DCLK1: variants seen among roughly 807,000 people sequenced by gnomAD.
DCLK1 encodes the protein doublecortin like kinase 1.
DCLK1 carries 16 observed loss-of-function variants against 86.2 expected under a neutral mutation model. The ratio of observed to expected loss-of-function variants is 0.19; its 90% CI spans 0.13 to 0.28. The LOEUF is 0.28. Ranked by LOEUF, DCLK1 falls within the 10% of genes least tolerant of loss-of-function variation. DCLK1 has a pLI of 1.00. For synonymous variants in DCLK1, 369 were observed against 370.5 expected (o/e 1.00, Z 0.05); for missense variants, 590 against 940.2 (o/e 0.63, Z 4.87).
At chr13:35,871,406 C>A in intron 4 of DCLK1, 66 bp from the exon 5 acceptor site, 1 of 1,259,774 alleles carries the variant, frequency 7.9e-7, no homozygotes, top group South Asian at 1.2e-5. Context: ...ACTCAAAATG[C>A]ACAATAAACC....
In DCLK1 at chr13:36,066,475, T is replaced by C. The variant is rs190588977; in HGVS notation, c.723+45394A>G. On this transcript the variant is annotated intron_variant, in intron 3 of 16. Transcript: ENST00000360631. ...AAGTAATCACTGGTACATTTCTCTCTATGGTTTTCATTCACTTAGAGGTGC... is the reference window on the plus strand; with the variant it reads ...AAGTAATCACTGGTACATTTCTCTCCATGGTTTTCATTCACTTAGAGGTGC... Among the ~76,000 whole-genome samples the C allele has an allele frequency of 5.3e-5, 8 of 152,320 alleles. No homozygotes were observed. The East Asian group carries it at 1.5e-3, about 29-fold the overall frequency.
chr13:35,813,127 G>A (rs1427842099), intron 11 of DCLK1, among the ~76,000 whole-genome samples: 5 of 152,150 alleles, frequency 3.3e-5, no homozygotes, highest in South Asian at 2.1e-4. Context: ...GTTGATTTCC[G>A]AGGCAGAGCA....
chr13:35,849,612 T>G (rs1234321066), intron 6 of DCLK1: 2 of 978,556 alleles, frequency 2.0e-6, no homozygotes, highest in Admixed American at 1.2e-4. Flanking sequence ...CTATAATTTT[T>G]AAAATAGAGG....
chr13:35,919,538 T>C (rs1041859857), intron 4 of DCLK1, among the ~76,000 whole-genome samples: 3 of 152,166 alleles, frequency 2.0e-5, no homozygotes, highest in Non-Finnish European at 4.4e-5. Context: ...ACTCTGAGGA[T>C]CTTCTTGGAA....
At chr13:35,897,292 G>C (rs1004679906) in intron 4 of DCLK1, among the ~76,000 whole-genome samples, 7 of 152,202 alleles carry the variant, frequency 4.6e-5, no homozygotes, top group Non-Finnish European at 8.8e-5. Flanking sequence ...GTGGAGGATG[G>C]AGCTGAGGAG....
chr13:35,975,434 C>T (rs547397025), intron 3 of DCLK1, among the ~76,000 whole-genome samples: 20 of 152,218 alleles, frequency 1.3e-4, no homozygotes, highest in East Asian at 9.7e-4. Context: ...TGCAGGGAGG[C>T]GACACTGAGG....
chr13:36,128,407 A>G (rs1886261274), intron 1 of DCLK1, among the ~76,000 whole-genome samples: 1 of 152,146 alleles, frequency 6.6e-6, no homozygotes, highest in Non-Finnish European at 1.5e-5. Context: ...GGTGTTTTCC[A>G]TCCCTTGCTC....
chr13:35,975,137 T>C (rs1429177976), intron 3 of DCLK1, among the ~76,000 whole-genome samples: 3 of 152,080 alleles, frequency 2.0e-5, no homozygotes, highest in African/African-American at 7.2e-5. Flanking sequence ...CACCAATCCA[T>C]CCATGCTGCA....
chr13:36,117,844 G>T (rs1287407643), intron 2 of DCLK1, among the ~76,000 whole-genome samples: 1 of 152,118 alleles, frequency 6.6e-6, no homozygotes, highest in Non-Finnish European at 1.5e-5. Context: ...AAGGCAGTAA[G>T]TAATAATTGC....
intron 3 of DCLK1, among the ~76,000 whole-genome samples, chr13:36,020,904 A>T (rs1881750940): frequency 6.6e-6 from 1 of 152,202 alleles, no homozygotes; most frequent in African/African-American, 2.4e-5. Context: ...CATTAACTTA[A>T]TTCCACATAA....
At chr13:36,128,601 A>AC (rs1886266450) in intron 1 of DCLK1, among the ~76,000 whole-genome samples, 1 of 151,914 alleles carries the variant, frequency 6.6e-6, no homozygotes, top group South Asian at 2.1e-4. Context: ...TCTATTGCTG[A>AC]CCCCACTGAA....
intron 3 of DCLK1, among the ~76,000 whole-genome samples, chr13:35,962,356 C>G (rs1215544983): frequency 2.6e-5 from 4 of 152,066 alleles, no homozygotes; most frequent in African/African-American, 7.2e-5. Flanking sequence ...AAGAATGGCA[C>G]GTGAATATAA....
At chr13:35,826,561 A>AGGG (rs1868477944) in intron 10 of DCLK1, among the ~76,000 whole-genome samples, 40 of 65,506 alleles carry the variant, frequency 6.1e-4, no homozygotes, top group Non-Finnish European at 1.1e-3. Context: ...GAAAGAAAGA[A>AGGG]ACAAGTCCTA....
intron 3 of DCLK1, among the ~76,000 whole-genome samples, chr13:36,079,895 A>T (rs1049855056): frequency 7.2e-5 from 11 of 152,174 alleles, no homozygotes; most frequent in Non-Finnish European, 1.5e-5. Flanking sequence ...GGAGCCAAAT[A>T]TGTTAGATTC....
chr13:36,017,436 T>G (rs1238079013), intron 3 of DCLK1, among the ~76,000 whole-genome samples: 18 of 152,206 alleles, frequency 1.2e-4, no homozygotes, highest in Admixed American at 1.2e-3. Context: ...AGGGGATAGT[T>G]TGATACCCAA....
At chr13:36,026,265 A>C (rs1047574335) in intron 3 of DCLK1, among the ~76,000 whole-genome samples, 2 of 152,222 alleles carry the variant, frequency 1.3e-5, no homozygotes, top group Admixed American at 6.5e-5. Flanking sequence ...AATATGCTAG[A>C]GCAGTGAATA....
At chr13:35,932,499 G>T (rs73521594) in intron 4 of DCLK1, among the ~76,000 whole-genome samples, 5,854 of 152,258 alleles carry the variant, frequency 0.038, 392 homozygotes, top group African/African-American at 0.13. Context: ...AAAGAAAGAG[G>T]TTTAATTGGA....
chr13:36,031,449 C>A (rs1210802422), intron 3 of DCLK1, among the ~76,000 whole-genome samples: 1 of 152,034 alleles, frequency 6.6e-6, no homozygotes, highest in Non-Finnish European at 1.5e-5. Flanking sequence ...TATATGTACA[C>A]AAATTATATG....
intron 14 of DCLK1, 104 bp from the exon 15 acceptor site, chr13:35,805,883 A>C (rs1307185291): frequency 9.7e-7 from 1 of 1,026,776 alleles, no homozygotes; most frequent in East Asian, 2.6e-5. Context: ...CATTTGTAAA[A>C]GCTCTAAATC....
Sources: allele counts gnomAD v4.1 joint callset (sites outside exome capture counted in the v4.1 genomes callset), GRCh38; gene constraint gnomAD v4.1.1; transcripts MANE v1.5; gene names NCBI Gene and HGNC (gene_info 2026-07-23, HGNC 2026-07-21).